DAB1: variants seen among roughly 807,000 people sequenced by gnomAD.
DAB1 encodes the protein disabled homolog 1.
In DAB1, 15 loss-of-function variants were observed where a neutral mutation model predicts 64.6. That is an observed-to-expected ratio of 0.23 (90% CI 0.16 to 0.36). The LOEUF is 0.36. Among genes scored for constraint, DAB1 ranks in the 10% least tolerant of loss-of-function variants. The probability of loss-of-function intolerance (pLI) is 1.00; values close to 1 mark genes in which losing one functional copy is unlikely to be tolerated. For missense variants in DAB1, 596 were observed against 706.7 expected, an observed-to-expected ratio of 0.84 and a Z score of 1.78; for synonymous variants, 235 against 251.9, an observed-to-expected ratio of 0.93 and a Z score of 0.64.
chr1:57,741,506 C>A lies in DAB1; in HGVS notation n.552-91841G>T, dbSNP rs569668720. 6.5e-4 allele frequency among the ~76,000 whole-genome samples: 99 copies of A among 152,260 alleles called. 2 individuals are homozygous for A. The highest frequency in any genetic ancestry group is 2.1e-3 in the African/African-American group (87 of 41,552). ...TGTACACAGCCACTATACCATACTG[C>A]CTCTCAAAGTGTCTAGATTTAAATT... On this transcript the variant is annotated intron_variant and non_coding_transcript_variant, in intron 6 of 20. Transcript: ENST00000485760.
At chr1:57,375,527 A>C (rs2100949869) in intron 1 of DAB1, among the ~76,000 whole-genome samples, 1 of 152,334 alleles carries the variant, frequency 6.6e-6, no homozygotes, top group South Asian at 2.1e-4. Flanking sequence ...AATATCAGAA[A>C]AGGAGCCTGG....
chr1:57,081,057 CA>C (rs1652484161), intron 4 of DAB1, among the ~76,000 whole-genome samples: 2 of 152,146 alleles, frequency 1.3e-5, no homozygotes, highest in Admixed American at 6.5e-5. Context: ...TTTTACTAAA[CA>C]TATAGTTTGT....
At chr1:58,538,717 C>A in intron 1 of DAB1, 1 of 616,228 alleles carries the variant, frequency 1.6e-6, no homozygotes, top group East Asian at 2.9e-5. Flanking sequence ...AAATTAATTT[C>A]TAAAAGTTAA....
intron 7 of DAB1, among the ~76,000 whole-genome samples, chr1:57,571,873 C>A (rs1645197243): frequency 6.6e-6 from 1 of 152,180 alleles, no homozygotes; most frequent in African/African-American, 2.4e-5. Context: ...CACTGGAGCC[C>A]TCTTCAGCGG....
intron 4 of DAB1, among the ~76,000 whole-genome samples, chr1:57,090,619 A>C (rs552661393): frequency 3.3e-5 from 5 of 152,304 alleles, no homozygotes; most frequent in African/African-American, 1.2e-4. Flanking sequence ...TGCAGGCCCA[A>C]GTTCAAACCT....
chr1:58,486,066 C>T (rs1188630715), intron 3 of DAB1, among the ~76,000 whole-genome samples: 1 of 152,168 alleles, frequency 6.6e-6, no homozygotes, highest in African/African-American at 2.4e-5. Context: ...TTTCTATGTG[C>T]CTTTCACTGC....
intron 7 of DAB1, among the ~76,000 whole-genome samples, chr1:57,469,501 C>G (rs1687068306): frequency 1.3e-5 from 2 of 152,184 alleles, no homozygotes; most frequent in African/African-American, 4.8e-5. Flanking sequence ...CTCTGAGATG[C>G]TAGGTCCCAC....
At chr1:58,217,853 C>T (rs1570497534) in intron 4 of DAB1, among the ~76,000 whole-genome samples, 1 of 152,170 alleles carries the variant, frequency 6.6e-6, no homozygotes. Context: ...GTATATGCTT[C>T]ATAAATATCT....
chr1:57,764,955 C>T (rs550614959), intron 6 of DAB1, among the ~76,000 whole-genome samples: 1 of 152,218 alleles, frequency 6.6e-6, no homozygotes, highest in East Asian at 1.9e-4. Flanking sequence ...AGTTATTTAG[C>T]CAAACCAGAT....
intron 3 of DAB1, among the ~76,000 whole-genome samples, chr1:58,394,595 C>T (rs921626847): frequency 1.3e-5 from 2 of 152,152 alleles, no homozygotes; most frequent in Admixed American, 1.3e-4. Context: ...GAAGGAATTG[C>T]TGATACTTGT....
At chr1:57,492,212 C>T (rs1225495666) in intron 7 of DAB1, among the ~76,000 whole-genome samples, 1 of 152,164 alleles carries the variant, frequency 6.6e-6, no homozygotes, top group Non-Finnish European at 1.5e-5. Flanking sequence ...CAGCTGAAGA[C>T]AGCAGGAGGC....
intron 1 of DAB1, among the ~76,000 whole-genome samples, chr1:57,389,553 A>G (rs930648144): frequency 2.6e-5 from 4 of 152,090 alleles, no homozygotes; most frequent in African/African-American, 9.7e-5. Context: ...TATATGATGA[A>G]CTCCTATTGG....
chr1:58,331,780 T>C (rs1662974891), intron 4 of DAB1, among the ~76,000 whole-genome samples: 1 of 152,198 alleles, frequency 6.6e-6, no homozygotes, highest in Non-Finnish European at 1.5e-5. Flanking sequence ...CAGACTACAG[T>C]ATAGTGTAAA....
At chr1:58,470,264 C>G (rs1464969672) in intron 3 of DAB1, among the ~76,000 whole-genome samples, 1 of 152,000 alleles carries the variant, frequency 6.6e-6, no homozygotes, top group Non-Finnish European at 1.5e-5. Flanking sequence ...ACCTCTGCCT[C>G]ACAGGTTCAA....
chr1:57,183,816 T>C (rs943356453), intron 2 of DAB1, among the ~76,000 whole-genome samples: 4 of 152,132 alleles, frequency 2.6e-5, no homozygotes, highest in African/African-American at 7.2e-5. Context: ...ATTACAGCTA[T>C]ACCACAATTA....
intron 1 of DAB1, among the ~76,000 whole-genome samples, chr1:57,384,900 TA>T (rs1192529881): frequency 6.6e-6 from 1 of 152,166 alleles, no homozygotes; most frequent in Non-Finnish European, 1.5e-5. Flanking sequence ...ATATCACAAT[TA>T]AAAATTTGTC....
chr1:58,121,118 A>AT lies in DAB1; in HGVS notation n.387+29392dup, dbSNP rs566226203. Among the ~76,000 whole-genome samples the AT allele has an allele frequency of 2.2e-4, 33 of 151,678 alleles. No individual in the cohort carries two copies. In the East Asian group the frequency reaches 2.9e-3, roughly 13 times the overall value. On this transcript the variant is annotated intron_variant and non_coding_transcript_variant, in intron 5 of 20. Transcript: ENST00000485760. ...CACAAGTAGGAAAATGGGATCTTTG[A>AT]TTTTTTTTCCCAGCTCATCAACTAG...
chr1:58,095,023 C>T (rs1470057496), intron 5 of DAB1, among the ~76,000 whole-genome samples: 1 of 152,164 alleles, frequency 6.6e-6, no homozygotes, highest in African/African-American at 2.4e-5. Context: ...ATTGCAACTG[C>T]CCAACTCTGT....
chr1:57,288,997 A>C (rs1672556800), intron 2 of DAB1, among the ~76,000 whole-genome samples: 1 of 152,188 alleles, frequency 6.6e-6, no homozygotes, highest in Non-Finnish European at 1.5e-5. Flanking sequence ...TCACATTGTG[A>C]GAAAGTGGTA....
Sources: allele counts gnomAD v4.1 joint callset (sites outside exome capture counted in the v4.1 genomes callset), GRCh38; gene constraint gnomAD v4.1.1; transcripts MANE v1.5; gene names NCBI Gene and HGNC (gene_info 2026-07-23, HGNC 2026-07-21).